Variants in ZBTB44 observed in about 807,000 individuals in gnomAD.
ZBTB44 encodes zinc finger and BTB domain-containing protein 44.
Under a neutral mutation model 54.0 loss-of-function variants are expected in ZBTB44, and 15 were observed. That is an observed-to-expected ratio of 0.28 (90% CI 0.19 to 0.43). The LOEUF (loss-of-function observed/expected upper bound fraction) is 0.43, where lower values mean the gene tolerates loss of function less well. ZBTB44 is among the 20% of genes least tolerant of loss of function. The probability of loss-of-function intolerance (pLI) is 1.00; values close to 1 mark genes in which losing one functional copy is unlikely to be tolerated. For synonymous variants in ZBTB44, 230 were observed against 250.1 expected (o/e 0.92, Z 0.76); for missense variants, 487 against 707.1 (o/e 0.69, Z 3.53).
intron 1 of ZBTB44, chr11:130,296,805 T>C (rs1565332698): frequency 2.7e-6 from 2 of 753,898 alleles, no homozygotes; most frequent in Non-Finnish European, 4.9e-6. Context: ...GTCATACATA[T>C]GAGGTTATGA....
At position 130,294,538 on chromosome 11, in the gene ZBTB44, C is replaced by CAAAAAAAAAAAAAA. The variant is rs11322495; in HGVS notation, c.-57+19823_-57+19836dup. Among the ~76,000 whole-genome samples, 2 of 48,630 alleles carry CAAAAAAAAAAAAAA rather than the reference C, an allele frequency of 4.1e-5. 1 individual carries two copies. 31.9% of individuals were successfully genotyped at this position (48,630 alleles called of 152,430 possible). ...GGATTTACACAAAGGTCTATATGAC[C>CAAAAAAAAAAAAAA]AAAAAAAAAAAAAAAAAAAAAAAAA... On this transcript the variant is annotated intron_variant, in intron 1 of 7. Transcript: ENST00000357899.
In ZBTB44 at chr11:130,228,125, G is replaced by C. The variant is rs1953752673; in HGVS notation, c.*3639C>G. On this transcript the variant is annotated 3_prime_UTR_variant, in exon 8 of 8. Coordinates refer to ENST00000357899, the MANE Select transcript of ZBTB44 (RefSeq NM_001301098.2). ...TGCCACAAGGCTGCCCTACAAAGAG[G>C]CAGGCAATCTCTACCTGATGCAACG... 6.6e-6 allele frequency: 1 copy of C among 152,178 alleles called. No individual in the cohort carries two copies. The highest frequency in any genetic ancestry group is 1.5e-5 in the Non-Finnish European group (1 of 68,038). The allele number at this position is 152,178 out of a possible 1,614,324, so 9.4% of individuals were successfully genotyped here.
chr11:130,296,965 T>G (rs1405908783), intron 1 of ZBTB44: 4 of 747,190 alleles, frequency 5.4e-6, no homozygotes, highest in African/African-American at 5.2e-5. Flanking sequence ...GGTGGTGGAT[T>G]TGACTACCAG....
At chr11:130,253,194 C>A (rs1477888837) in intron 2 of ZBTB44, among the ~76,000 whole-genome samples, 1 of 152,302 alleles carries the variant, frequency 6.6e-6, no homozygotes, top group Middle Eastern at 3.4e-3. Flanking sequence ...TCCTATTCAA[C>A]ACAGTGTTGG....
At chr11:130,274,490 G>A (rs902279013) in intron 1 of ZBTB44, among the ~76,000 whole-genome samples, 1 of 152,106 alleles carries the variant, frequency 6.6e-6, no homozygotes, top group Non-Finnish European at 1.5e-5. Flanking sequence ...TGTTAGCTAC[G>A]AGGTTTTCAT....
intron 1 of ZBTB44, among the ~76,000 whole-genome samples, chr11:130,309,606 G>A (rs760929795): frequency 2.6e-5 from 4 of 152,066 alleles, no homozygotes; most frequent in Non-Finnish European, 1.5e-5. Flanking sequence ...GGGCGCAGTG[G>A]CTCACGTCTG....
rs1938888085 is a variant in ZBTB44 at position 130,261,921 on chromosome 11, A to G, written c.-48T>C. The G allele has an allele frequency of 6.6e-7, 1 of 1,511,080 alleles. No individual in the cohort carries two copies. Among genetic ancestry groups the G allele is most frequent in the Non-Finnish European group, 8.8e-7 (1 of 1,131,712 alleles). The allele number at this position is 1,511,080 out of a possible 1,614,324, so 93.6% of individuals were successfully genotyped here. A position where few individuals can be genotyped will look rare whatever the true frequency, so the allele number is the denominator to read the frequency against. ...TGCTCTTCAAGGATGCAAATAAATC[A>G]GAAATGTCCTAAAAAATACATAAAA... is the stretch of plus-strand genomic sequence containing the variant. On this transcript the variant is annotated 5_prime_UTR_variant, in exon 2 of 8. Coordinates refer to ENST00000357899, the MANE Select transcript of ZBTB44 (RefSeq NM_001301098.2). This position sits in a 1 kb window ranked among gnomAD's most constrained non-coding sequence, Gnocchi z 4.8.
intron 1 of ZBTB44, among the ~76,000 whole-genome samples, chr11:130,281,011 T>G (rs2134268146): frequency 6.6e-6 from 1 of 152,238 alleles, no homozygotes; most frequent in Middle Eastern, 3.4e-3. Context: ...TTGGGGAAGT[T>G]CTCTCATTAA....
intron 1 of ZBTB44, chr11:130,310,584 T>C (rs993359717): frequency 1.3e-5 from 2 of 152,222 alleles, no homozygotes; most frequent in Non-Finnish European, 2.9e-5. Context: ...AATTTAAAAG[T>C]ACTTCTATGT....
chr11:130,239,679 CTACTTCAT>C, intron 3 of ZBTB44, 125 bp downstream of exon 3: 1 of 670,456 alleles, frequency 1.5e-6, no homozygotes, highest in Non-Finnish European at 2.5e-6. Flanking sequence ...TGTGATGATG[CTACTTCAT>C]TACTTTGAAA....
chr11:130,258,414 G>A (rs1355928041), intron 2 of ZBTB44, among the ~76,000 whole-genome samples: 1 of 152,084 alleles, frequency 6.6e-6, no homozygotes, highest in Non-Finnish European at 1.5e-5. Flanking sequence ...ATTGGTCTCT[G>A]AGACTGTCTC....
At chr11:130,285,015 T>C (rs1055792745) in intron 1 of ZBTB44, 1 of 156,848 alleles carries the variant, frequency 6.4e-6, no homozygotes, top group African/African-American at 2.4e-5. Flanking sequence ...CTGACCATAA[T>C]GCAGTCACTG....
At chr11:130,307,499 C>T (rs983647690) in intron 1 of ZBTB44, among the ~76,000 whole-genome samples, 2 of 151,730 alleles carry the variant, frequency 1.3e-5, no homozygotes, top group African/African-American at 4.8e-5. Flanking sequence ...TTGATTTTTA[C>T]TCTACTTTTA....
intron 2 of ZBTB44, among the ~76,000 whole-genome samples, chr11:130,242,225 CT>C: frequency 1.3e-5 from 2 of 152,288 alleles, no homozygotes; most frequent in African/African-American, 4.8e-5. Flanking sequence ...TAGAGATATA[CT>C]TTGTTTACCA....
At chr11:130,276,901 T>C (rs758858423) in intron 1 of ZBTB44, among the ~76,000 whole-genome samples, 2 of 152,232 alleles carry the variant, frequency 1.3e-5, no homozygotes, top group Non-Finnish European at 2.9e-5. Context: ...TTATAAAACG[T>C]CTCTAGTAAC....
intron 7 of ZBTB44, chr11:130,232,992 G>C (rs975989669): frequency 4.5e-6 from 1 of 224,470 alleles, no homozygotes; most frequent in African/African-American, 2.3e-5. Flanking sequence ...AACAGAGTGA[G>C]ATGCCATTCT....
intron 1 of ZBTB44, among the ~76,000 whole-genome samples, chr11:130,268,978 T>C (rs144730044): frequency 5.3e-5 from 8 of 151,438 alleles, no homozygotes; most frequent in Non-Finnish European, 8.8e-5. Flanking sequence ...TTTTATAAGT[T>C]AGCCAAGTCT....
At chr11:130,300,316 T>C (rs1433009288) in intron 1 of ZBTB44, among the ~76,000 whole-genome samples, 1 of 151,962 alleles carries the variant, frequency 6.6e-6, no homozygotes, top group African/African-American at 2.4e-5. Flanking sequence ...TGGCAAATTT[T>C]ATGTTACGTG....
intron 7 of ZBTB44, chr11:130,233,093 C>T: frequency 2.1e-6 from 1 of 465,186 alleles, no homozygotes; most frequent in East Asian, 3.5e-5. Context: ...TCCCCAACAA[C>T]ACATAAACCT....
Sources: allele counts gnomAD v4.1 joint callset (sites outside exome capture counted in the v4.1 genomes callset), GRCh38; gene constraint gnomAD v4.1.1; non-coding constraint Gnocchi (gnomAD v3.1); transcripts MANE v1.5; gene names NCBI Gene and HGNC (gene_info 2026-07-23, HGNC 2026-07-21).